The following EIF2AK4 variants were observed in gnomAD, a reference collection of about 807,000 sequenced individuals.
The protein encoded by EIF2AK4 is eIF-2-alpha kinase GCN2.
A neutral mutation model predicts 211.1 loss-of-function variants in EIF2AK4; 139 were observed. The ratio of observed to expected loss-of-function variants is 0.66; its 90% CI spans 0.57 to 0.76. EIF2AK4 has a LOEUF of 0.76. EIF2AK4 is among the 30% of genes least tolerant of loss of function. The pLI is 0.00. For missense variants in EIF2AK4, 1,664 were observed against 2,043.8 expected (o/e 0.81, Z 3.58); for synonymous variants, 710 against 751.3 (o/e 0.94, Z 0.90).
chr15:39,949,868 AGTTT>A, intron 4 of EIF2AK4, among the ~76,000 whole-genome samples: 1 of 152,026 alleles, frequency 6.6e-6, no homozygotes. Context: ...TTTAAATTCA[AGTTT>A]GTTTAAATAC....
At chr15:39,949,000 A>G (rs1037370967) in intron 3 of EIF2AK4, 116 bp from the exon 4 acceptor site, 55 of 1,200,688 alleles carry the variant, frequency 4.6e-5, no homozygotes, top group Non-Finnish European at 6.4e-5. Context: ...CAAAATGAAT[A>G]ATGGCATTCT....
chr15:40,018,411 G>A (rs998890271), intron 29 of EIF2AK4, among the ~76,000 whole-genome samples: 4 of 151,756 alleles, frequency 2.6e-5, no homozygotes, highest in African/African-American at 7.3e-5. Context: ...TGTCTTTTGC[G>A]AATTTGGAGG....
chr15:40,028,651 C>A (rs2035498434), intron 33 of EIF2AK4, among the ~76,000 whole-genome samples: 1 of 152,190 alleles, frequency 6.6e-6, no homozygotes, highest in Non-Finnish European at 1.5e-5. Context: ...CCCACCCCTT[C>A]TTATTTGCAC....
rs778682945 is a variant in EIF2AK4, at chr15:39,998,722, T to C, written c.2869-9T>C. ...CCAAAACCTTGCTGATTTGAATATA[T>C]TTTTTTAGCCCACTTCGCCTAAGTT... On this transcript the variant is annotated splice_polypyrimidine_tract_variant and intron_variant, in intron 19 of 38. Transcript: ENST00000263791. 129 of 1,607,544 alleles carry C rather than the reference T, an allele frequency of 8.0e-5. No homozygotes were observed. The East Asian group carries it at 2.7e-3, about 33-fold the overall frequency.
chr15:39,948,062 T>A (rs2034254045), intron 3 of EIF2AK4, among the ~76,000 whole-genome samples: 2 of 152,224 alleles, frequency 1.3e-5, no homozygotes, highest in Non-Finnish European at 2.9e-5. Flanking sequence ...TGTTTCTGAC[T>A]GTAAAGTGAA....
intron 15 of EIF2AK4, 57 bp from the exon 16 acceptor site, chr15:39,990,216 T>G: frequency 6.5e-7 from 1 of 1,527,618 alleles, no homozygotes; most frequent in Non-Finnish European, 9.0e-7. Context: ...AATTAGGAAG[T>G]AGGTATAACT....
intron 20 of EIF2AK4, among the ~76,000 whole-genome samples, chr15:40,000,018 T>C (rs1226005051): frequency 6.6e-6 from 1 of 152,182 alleles, no homozygotes; most frequent in Non-Finnish European, 1.5e-5. Context: ...CCACCTCCCA[T>C]GTCATAGTCA....
At chr15:39,950,343 C>T (rs1253174883) in intron 4 of EIF2AK4, among the ~76,000 whole-genome samples, 1 of 152,090 alleles carries the variant, frequency 6.6e-6, no homozygotes, top group Non-Finnish European at 1.5e-5. Flanking sequence ...TGCCTGCAAT[C>T]CCAGGACTTT....
At chr15:39,942,536 C>G (rs1476600199) in intron 2 of EIF2AK4, among the ~76,000 whole-genome samples, 1 of 152,148 alleles carries the variant, frequency 6.6e-6, no homozygotes, top group Non-Finnish European at 1.5e-5. Context: ...ATGAATTACT[C>G]AGAAATGCTT....
intron 5 of EIF2AK4, among the ~76,000 whole-genome samples, chr15:39,954,286 T>C (rs577558755): frequency 6.2e-4 from 94 of 152,364 alleles, no homozygotes; most frequent in Middle Eastern, 3.4e-3. Flanking sequence ...AGAGTCTCAT[T>C]CTGTCGCCCA....
intron 33 of EIF2AK4, 65 bp from the exon 34 acceptor site, chr15:40,029,341 G>C (rs1257192094): frequency 3.1e-6 from 5 of 1,592,188 alleles, no homozygotes; most frequent in Non-Finnish European, 4.3e-6. Context: ...GTAGTTCACT[G>C]TAAGTTATGT....
intron 13 of EIF2AK4, among the ~76,000 whole-genome samples, chr15:39,981,756 C>A (rs1421230779): frequency 6.6e-6 from 1 of 151,996 alleles, no homozygotes; most frequent in African/African-American, 2.4e-5. Context: ...GGGAAAAAGA[C>A]TTTTTTAAGA....
chr15:39,943,415 G>T lies in EIF2AK4; in HGVS notation c.290G>T (p.Gly97Val), dbSNP rs770205298. 5 of 1,566,870 alleles carry T rather than the reference G, an allele frequency of 3.2e-6. No homozygotes were observed. The highest frequency in any genetic ancestry group is 4.3e-6 in the Non-Finnish European group (5 of 1,163,354). The change falls in exon 3 of 39, where the codon GGT becomes GTT. Residue 97 changes from glycine (G) to valine (V), a missense_variant. By Grantham distance (109) the Gly-to-Val change is moderately radical (BLOSUM62 -3). Around this residue, in one of 7 missense-constraint regions of EIF2AK4, gnomAD observed 641 missense variants for 729.6 expected, o/e 0.88. Transcript: ENST00000263791. ...VPEIELKNAK[G>V]LSNESVNLLK... ...GAAATAGAGTTAAAAAATGCCAAAGGTCTATCAAATGAAAGTGTCAATTTG... is the reference window on the plus strand; with the variant it reads ...GAAATAGAGTTAAAAAATGCCAAAGTTCTATCAAATGAAAGTGTCAATTTG...
At chr15:39,939,480 A>G (rs551917918) in intron 1 of EIF2AK4, 25 bp from the exon 2 acceptor site, 1 of 1,560,662 alleles carries the variant, frequency 6.4e-7, no homozygotes, top group Non-Finnish European at 8.7e-7. Context: ...TTTGAAAAAA[A>G]TTTTTTTTGT....
At chr15:39,977,201 G>A (rs2034712170) in intron 12 of EIF2AK4, 1 of 190,338 alleles carries the variant, frequency 5.3e-6, no homozygotes, top group East Asian at 1.2e-4. Context: ...CTAAAGGAGC[G>A]GTCCCCAGCG....
At position 39,935,334 on chromosome 15, in the gene EIF2AK4, C is replaced by A. The variant is rs1289254281; in HGVS notation, c.144+995C>A. Among the ~76,000 whole-genome samples, 3 of 150,350 alleles carry A rather than the reference C, an allele frequency of 2.0e-5. No homozygotes were observed. In the Admixed American group the frequency reaches 2.0e-4, roughly 10 times the overall value. The stretch of plus-strand genomic sequence containing the variant: ...ATTTAAAACATAGTTCTAACTTCAT[C>A]TGCTTTTTTTTTTTTTCTTTTTGAG... On this transcript the variant is annotated intron_variant, in intron 1 of 38. Transcript: ENST00000263791.
At chr15:40,034,919 CTTG>C (rs1350535733) in intron 38 of EIF2AK4, 105 bp from the exon 39 acceptor site, 1 of 788,932 alleles carries the variant, frequency 1.3e-6, no homozygotes, top group East Asian at 2.6e-5. Flanking sequence ...AGCCTTCCAT[CTTG>C]TTTTTGCTTA....
intron 7 of EIF2AK4, among the ~76,000 whole-genome samples, chr15:39,963,312 G>A (rs2034498606): frequency 6.6e-6 from 1 of 152,110 alleles, no homozygotes; most frequent in Non-Finnish European, 1.5e-5. Flanking sequence ...TAATAACCTG[G>A]GGAAATCAAG....
intron 16 of EIF2AK4, 104 bp downstream of exon 16, chr15:39,990,481 T>C: frequency 2.1e-6 from 2 of 971,954 alleles, no homozygotes; most frequent in Non-Finnish European, 3.2e-6. Flanking sequence ...AACTATGCCG[T>C]CTAATCCTCA....
Sources: allele counts gnomAD v4.1 joint callset (sites outside exome capture counted in the v4.1 genomes callset), GRCh38; gene constraint gnomAD v4.1.1; regional missense constraint gnomAD v4.1.1; transcripts MANE v1.5; gene names NCBI Gene and HGNC (gene_info 2026-07-23, HGNC 2026-07-21).